Variants in EXOSC6 observed in about 807,000 individuals in gnomAD.
EXOSC6 encodes exosome complex component MTR3.
A neutral mutation model predicts 16.7 loss-of-function variants in EXOSC6; 21 were observed. The ratio of observed to expected loss-of-function variants is 1.26; its 90% CI spans 0.89 to 1.82. The LOEUF (loss-of-function observed/expected upper bound fraction) is 1.82. Among genes scored for constraint, EXOSC6 ranks in the 40% most tolerant of loss-of-function variants. The probability of loss-of-function intolerance (pLI) is 0.00; values close to 1 mark genes in which losing one functional copy is unlikely to be tolerated. For missense variants in EXOSC6, 538 were observed against 415.7 expected (o/e 1.29, Z -2.56); for synonymous variants, 297 against 217.1 (o/e 1.37, Z -3.24).
At position 70,250,160 on chromosome 16, in the gene EXOSC6, C is replaced by T. The variant is rs1429476456; in HGVS notation, c.*922G>A. ...TAATAATAATGGTTTTATATATATGCATACACAAGCAAAGCCAGAAGAGAA... is the reference window on the plus strand; with the variant it reads ...TAATAATAATGGTTTTATATATATGTATACACAAGCAAAGCCAGAAGAGAA... On this transcript the variant is annotated 3_prime_UTR_variant, in exon 1 of 1. Transcript: ENST00000435634. The T allele has an allele frequency of 2.6e-5, 4 of 151,874 alleles. No homozygotes were observed. Among genetic ancestry groups the T allele is most frequent in the Non-Finnish European group, 5.9e-5 (4 of 67,984 alleles). The allele number at this position is 151,874 out of a possible 1,614,324, so 9.4% of individuals were successfully genotyped here.
rs1959813506 is a variant in EXOSC6, at chr16:70,251,335, G to A, written c.566C>T (p.Pro189Leu). The A allele has an allele frequency of 2.2e-6, 3 of 1,378,856 alleles. No individual in the cohort carries two copies. Among genetic ancestry groups the A allele is most frequent in the Non-Finnish European group, 2.8e-6 (3 of 1,072,772 alleles). The allele number at this position is 1,378,856 out of a possible 1,614,324, so 85.4% of individuals were successfully genotyped here. ...CAGGAGCCAGGTGGGCGCGGGCCCC[G>A]GCGCGAGGCTGAGGCCGCAGCCCAC... Reference protein sequence around the residue: ...LVVGCGLSLAPGPAPTWLLDP... With the variant: ...LVVGCGLSLALGPAPTWLLDP... The change falls in exon 1 of 1, where the codon CCG (proline) becomes CTG (leucine). Residue 189 changes from proline (P) to leucine (L), a missense_variant. Coordinates refer to ENST00000435634, the MANE Select transcript of EXOSC6 (RefSeq NM_058219.3).
Position 70,248,066 on chromosome 16 carries a change from G to GA in EXOSC6, c.*3015dup, listed in dbSNP as rs996794966. The GA allele has an allele frequency of 3.3e-5, 5 of 151,954 alleles. No individual in the cohort carries two copies. Among genetic ancestry groups the GA allele is most frequent in the African/African-American group, 1.2e-4 (5 of 41,344 alleles). The allele number at this position is 151,954 out of a possible 1,614,324, so 9.4% of individuals were successfully genotyped here. A position where few individuals can be genotyped will look rare whatever the true frequency, so the allele number is the denominator to read the frequency against. On this transcript the variant is annotated 3_prime_UTR_variant, in exon 1 of 1. Transcript: ENST00000435634. The stretch of plus-strand genomic sequence containing the variant: ...CAAGATTTCGTCTCAAAAAAAAAGA[G>GA]AAAAAGAAAACCATTATTTTGCAAT...
Position 70,248,751 on chromosome 16 carries a change from T to A in EXOSC6, c.*2331A>T, listed in dbSNP as rs1311985482. The A allele has an allele frequency of 6.7e-6, 1 of 149,644 alleles. No homozygotes were observed. Among genetic ancestry groups the A allele is most frequent in the Non-Finnish European group, 1.5e-5 (1 of 67,740 alleles). 9.3% of individuals were successfully genotyped at this position (149,644 alleles called of 1,614,324 possible). On this transcript the variant is annotated 3_prime_UTR_variant, in exon 1 of 1. Transcript: ENST00000435634. ...CTGGGACTACAGGTGCATACCACCA[T>A]GCCTGACTTATTTTTTTTCCTTTTT...
In EXOSC6 at chr16:70,250,801, G is replaced by C. The variant is rs28593486; in HGVS notation, c.*281C>G. On this transcript the variant is annotated 3_prime_UTR_variant, in exon 1 of 1. Coordinates refer to ENST00000435634, the MANE Select transcript of EXOSC6 (RefSeq NM_058219.3). ...TCAAGGCTAGGAGTTTGAGACTGCA[G>C]AAAGAAACCCTGTCTCTAAAAAAAA... The C allele has an allele frequency of 2.7e-6, 1 of 366,696 alleles. No homozygotes were observed. The highest frequency in any genetic ancestry group is 4.8e-6 in the Non-Finnish European group (1 of 206,570). 22.7% of individuals were successfully genotyped at this position (366,696 alleles called of 1,614,324 possible). A position where few individuals can be genotyped will look rare whatever the true frequency, so the allele number is the denominator to read the frequency against.
chr16:70,251,839 G>C lies in EXOSC6; in HGVS notation c.62C>G (p.Ala21Gly), dbSNP rs867552592. 1.9e-6 allele frequency: 3 copies of C among 1,549,906 alleles called. No homozygotes were observed. The highest frequency in any genetic ancestry group is 1.4e-5 in the African/African-American group (1 of 70,772). Residue 21 changes from alanine (A) to glycine (G), a missense_variant, in exon 1 of 1, where the codon GCG becomes GGG. Physicochemically the swap from Ala to Gly is moderately conservative, Grantham distance 60 (BLOSUM62 0). Transcript: ENST00000435634. ...GCCGGGCGCCTCCTCCTCGTCGGCC[G>C]CGTACAGCTGCGGCGGCTGCGATTC... The part of the protein sequence containing the change: ...PEESQPPQLY[A>G]ADEEEAPGTR...
rs1169299920 is a variant in EXOSC6, at chr16:70,250,488, G to A, written c.*594C>T. 6.6e-6 allele frequency: 1 copy of A among 151,878 alleles called. No homozygotes were observed. The allele number at this position is 151,878 out of a possible 1,614,324, so 9.4% of individuals were successfully genotyped here. A position where few individuals can be genotyped will look rare whatever the true frequency, so the allele number is the denominator to read the frequency against. ...ATTCGAGAACAGCCTGGCCCACATG[G>A]CGAAACCCCATCTCTACTAAAAATA... On this transcript the variant is annotated 3_prime_UTR_variant, in exon 1 of 1. Coordinates refer to ENST00000435634, the MANE Select transcript of EXOSC6 (RefSeq NM_058219.3).
chr16:70,249,168 G>A lies in EXOSC6; in HGVS notation c.*1914C>T, dbSNP rs1959753087. 1 of 152,060 alleles carries A rather than the reference G, an allele frequency of 6.6e-6. No individual in the cohort carries two copies. The allele number at this position is 152,060 out of a possible 1,614,324, so 9.4% of individuals were successfully genotyped here. A position where few individuals can be genotyped will look rare whatever the true frequency, so the allele number is the denominator to read the frequency against. ...AATCACAGTACTTTGGGAGGCCAAG[G>A]CAGGAGGATCACTTGAGGTCAGGAG... On this transcript the variant is annotated 3_prime_UTR_variant, in exon 1 of 1. Transcript: ENST00000435634.
Position 70,250,106 on chromosome 16 carries a change from C to T in EXOSC6, c.*976G>A, listed in dbSNP as rs542702378. ...ACTATTCACAGAACCAAATAAAAGCCTTCCACTAGAAACTAAAAATAATAA... is the reference window on the plus strand; with the variant it reads ...ACTATTCACAGAACCAAATAAAAGCTTTCCACTAGAAACTAAAAATAATAA... On this transcript the variant is annotated 3_prime_UTR_variant, in exon 1 of 1. Transcript: ENST00000435634. 1 of 150,104 alleles carries T rather than the reference C, an allele frequency of 6.7e-6. No individual in the cohort carries two copies. The highest frequency in any genetic ancestry group is 2.1e-4 in the South Asian group (1 of 4,744). 9.3% of individuals were successfully genotyped at this position (150,104 alleles called of 1,614,324 possible). A position where few individuals can be genotyped will look rare whatever the true frequency, so the allele number is the denominator to read the frequency against.
In EXOSC6 at chr16:70,251,097, G is replaced by A. The variant is rs1008431909; in HGVS notation, c.804C>T (p.Ala268=). 2.7e-6 allele frequency: 4 copies of A among 1,483,938 alleles called. No homozygotes were observed. Among genetic ancestry groups the A allele is most frequent in the Non-Finnish European group, 1.8e-6 (2 of 1,130,688 alleles). 91.9% of individuals were successfully genotyped at this position (1,483,938 alleles called of 1,614,324 possible). A position where few individuals can be genotyped will look rare whatever the true frequency, so the allele number is the denominator to read the frequency against. The change falls in exon 1 of 1, where the codon GCC becomes GCT. Residue 268 remains alanine (A), a synonymous_variant. Coordinates refer to ENST00000435634, the MANE Select transcript of EXOSC6 (RefSeq NM_058219.3). ...SLVRAARRRG[A]AAQP ...GGCTTCTGGTTCAGGGCTGGGCGGCGGCGCCCCTGCGGCGGGCGGCCCGCA... is the reference window on the plus strand; with the variant it reads ...GGCTTCTGGTTCAGGGCTGGGCGGCAGCGCCCCTGCGGCGGGCGGCCCGCA...
Position 70,250,666 on chromosome 16 carries a change from C to CAAAAAAAAAAAAAAA in EXOSC6, c.*401_*415dup, listed in dbSNP as rs11332602. Reference sequence around the variant, plus strand: ...CCTGGGCAACAGAACAAGACTCCATCAAAAAAAAAAAAAAAAAAAAAAGAA... The same window carrying CAAAAAAAAAAAAAAA: ...CCTGGGCAACAGAACAAGACTCCATCAAAAAAAAAAAAAAAAAAAAAAAAAAAAAAAAAAAAAGAA... On this transcript the variant is annotated 3_prime_UTR_variant, in exon 1 of 1. Coordinates refer to ENST00000435634, the MANE Select transcript of EXOSC6 (RefSeq NM_058219.3). The CAAAAAAAAAAAAAAA allele has an allele frequency of 5.2e-5, 4 of 77,410 alleles. No homozygotes were observed. Among genetic ancestry groups the CAAAAAAAAAAAAAAA allele is most frequent in the Admixed American group, 3.0e-4 (2 of 6,618 alleles). 4.8% of individuals were successfully genotyped at this position (77,410 alleles called of 1,614,324 possible).
In EXOSC6 at chr16:70,251,571, G is replaced by C. The variant is rs1276311199; in HGVS notation, c.330C>G (p.Arg110=). Reference sequence around the variant, plus strand: ...CCTCGCAGCCGCCCGGGGGAGCGCGGCGCCGGCGGCCCGCGAAGGGTGCGC... The same window carrying C: ...CCTCGCAGCCGCCCGGGGGAGCGCGCCGCCGGCGGCCCGCGAAGGGTGCGC... ...FRRAPFAGRR[R]RAPPGGCEER... is the part of the protein sequence containing the mutation. Residue 110 remains arginine (R), a synonymous_variant, in exon 1 of 1, where the codon CGC becomes CGG. Coordinates refer to ENST00000435634, the MANE Select transcript of EXOSC6 (RefSeq NM_058219.3). 1 of 1,109,694 alleles carries C rather than the reference G, an allele frequency of 9.0e-7. No homozygotes were observed. Among genetic ancestry groups the C allele is most frequent in the Non-Finnish European group, 1.1e-6 (1 of 912,724 alleles). The allele number at this position is 1,109,694 out of a possible 1,614,324, so 68.7% of individuals were successfully genotyped here.
chr16:70,248,533 C>T lies in EXOSC6; in HGVS notation c.*2549G>A, dbSNP rs954006805. ...AAGCCCAAGCTGGTGGCATTCTGTT[C>T]AGTTACAGGTAATTTTCTGAATCTT... On this transcript the variant is annotated 3_prime_UTR_variant, in exon 1 of 1. Coordinates refer to ENST00000435634, the MANE Select transcript of EXOSC6 (RefSeq NM_058219.3). The T allele has an allele frequency of 6.6e-6, 1 of 152,094 alleles. No individual in the cohort carries two copies. The highest frequency in any genetic ancestry group is 6.6e-5 in the Admixed American group (1 of 15,264). 9.4% of individuals were successfully genotyped at this position (152,094 alleles called of 1,614,324 possible).
rs1253709179 is a variant in EXOSC6, at chr16:70,250,683, AAAAAAGAAAG to A, written c.*389_*398del. The A allele has an allele frequency of 5.1e-5, 8 of 156,536 alleles. No homozygotes were observed. Among genetic ancestry groups the A allele is most frequent in the African/African-American group, 1.9e-4 (7 of 36,028 alleles). 9.7% of individuals were successfully genotyped at this position (156,536 alleles called of 1,614,324 possible). A position where few individuals can be genotyped will look rare whatever the true frequency, so the allele number is the denominator to read the frequency against. ...GACTCCATCAAAAAAAAAAAAAAAA[AAAAAAGAAAG>A]AAAGAAGAAAAGAAAATTAGCCAGG... On this transcript the variant is annotated 3_prime_UTR_variant, in exon 1 of 1. Coordinates refer to ENST00000435634, the MANE Select transcript of EXOSC6 (RefSeq NM_058219.3).
In EXOSC6 at chr16:70,251,280, G is replaced by C. The variant is rs1474883757; in HGVS notation, c.621C>G (p.Ala207=). The part of the protein sequence containing the change: ...LDPTRLEEER[A]AAGLTVALMP... ...TGAGCGCCACGGTGAGGCCGGCGGC[G>C]GCGCGCTCTTCCTCGAGCCGCGTGG... is the stretch of plus-strand genomic sequence containing the variant. The change falls in exon 1 of 1, where the codon GCC becomes GCG. Residue 207 remains alanine (A), a synonymous_variant. Transcript: ENST00000435634. 6.9e-7 allele frequency: 1 copy of C among 1,441,244 alleles called. No individual in the cohort carries two copies. Among genetic ancestry groups the C allele is most frequent in the Non-Finnish European group, 9.1e-7 (1 of 1,102,646 alleles). The allele number at this position is 1,441,244 out of a possible 1,614,324, so 89.3% of individuals were successfully genotyped here.
Position 70,251,932 on chromosome 16 carries a change from C to A in EXOSC6, c.-32G>T. 1 of 1,458,262 alleles carries A rather than the reference C, an allele frequency of 6.9e-7. No homozygotes were observed. The highest frequency in any genetic ancestry group is 1.3e-5 in the South Asian group (1 of 74,618). 90.3% of individuals were successfully genotyped at this position (1,458,262 alleles called of 1,614,324 possible). A position where few individuals can be genotyped will look rare whatever the true frequency, so the allele number is the denominator to read the frequency against. On this transcript the variant is annotated 5_prime_UTR_variant, in exon 1 of 1. Coordinates refer to ENST00000435634, the MANE Select transcript of EXOSC6 (RefSeq NM_058219.3). Reference sequence around the variant, plus strand: ...TCTTGGCGTGCGAACCCCTTCCGCCCAACGCCCTGCCGCATCCACTGGTTC... The same window carrying A: ...TCTTGGCGTGCGAACCCCTTCCGCCAAACGCCCTGCCGCATCCACTGGTTC...
Position 70,251,849 on chromosome 16 carries a change from G to A in EXOSC6, c.52C>T (p.Gln18Ter). The A allele has an allele frequency of 2.6e-6, 4 of 1,554,492 alleles. No homozygotes were observed. Among genetic ancestry groups the A allele is most frequent in the Non-Finnish European group, 3.4e-6 (4 of 1,160,572 alleles). Residue 18 changes from glutamine to a stop codon, truncating the protein, a stop_gained, in exon 1 of 1, where the codon CAG (glutamine) becomes TAG (stop). Coordinates refer to ENST00000435634, the MANE Select transcript of EXOSC6 (RefSeq NM_058219.3). LOFTEE classifies it high-confidence loss of function. ...IRGPEESQPP[Q>*]LYAADEEEAP... ...TCCTCCTCGTCGGCCGCGTACAGCT[G>A]CGGCGGCTGCGATTCTTCAGGGCCG...
Position 70,251,642 on chromosome 16 carries a change from C to T in EXOSC6, c.259G>A (p.Glu87Lys). 1 of 1,144,928 alleles carries T rather than the reference C, an allele frequency of 8.7e-7. No individual in the cohort carries two copies. The highest frequency in any genetic ancestry group is 1.1e-6 in the Non-Finnish European group (1 of 934,582). 70.9% of individuals were successfully genotyped at this position (1,144,928 alleles called of 1,614,324 possible). A position where few individuals can be genotyped will look rare whatever the true frequency, so the allele number is the denominator to read the frequency against. ...CGACCGCGCAGCGCGGCCGGGGCCT[C>T]GCCGCCTGCTCCGGCCGGGCCGCCG... The part of the protein sequence containing the change: ...RGGGPAGAGG[E>K]APAALRGRLL... Residue 87 changes from glutamate to lysine, a missense_variant, in exon 1 of 1, where the codon GAG becomes AAG. Coordinates refer to ENST00000435634, the MANE Select transcript of EXOSC6 (RefSeq NM_058219.3).
Position 70,251,876 on chromosome 16 carries a change from G to T in EXOSC6, c.25C>A (p.Arg9Ser). The change falls in exon 1 of 1, where the codon CGC becomes AGC. Residue 9 changes from arginine to serine, a missense_variant. Physicochemically the swap from Arg to Ser is moderately radical, Grantham distance 110. Transcript: ENST00000435634. ...GGCGGCTGCGATTCTTCAGGGCCGCGGATGCGGCGGTGATCCCCAGGCATG... is the reference window on the plus strand; with the variant it reads ...GGCGGCTGCGATTCTTCAGGGCCGCTGATGCGGCGGTGATCCCCAGGCATG... MPGDHRRIRGPEESQPPQL... is the reference protein window; with the variant it reads MPGDHRRISGPEESQPPQL... 1 of 1,547,088 alleles carries T rather than the reference G, an allele frequency of 6.5e-7. No homozygotes were observed. The highest frequency in any genetic ancestry group is 2.6e-5 in the East Asian group (1 of 38,452).
At position 70,251,051 on chromosome 16, in the gene EXOSC6, G is replaced by T; in HGVS notation, c.*31C>A. The stretch of plus-strand genomic sequence containing the variant: ...GTGGACGGCGGCAGCACGGTCCTCG[G>T]CTTGCGTCCGTAGTTGCTCAGGCTT... On this transcript the variant is annotated 3_prime_UTR_variant, in exon 1 of 1. Transcript: ENST00000435634. The T allele has an allele frequency of 6.9e-7, 1 of 1,445,612 alleles. No individual in the cohort carries two copies. Among genetic ancestry groups the T allele is most frequent in the East Asian group, 2.7e-5 (1 of 36,810 alleles). 89.5% of individuals were successfully genotyped at this position (1,445,612 alleles called of 1,614,324 possible).
Sources: allele counts gnomAD v4.1 joint callset, GRCh38; gene constraint gnomAD v4.1.1; transcripts MANE v1.5; gene names NCBI Gene and HGNC (gene_info 2026-07-23, HGNC 2026-07-21).